The following UIMC1 variants were observed in gnomAD, a reference collection of about 807,000 sequenced individuals.
UIMC1 encodes BRCA1-A complex subunit RAP80.
Under a neutral mutation model 84.9 loss-of-function variants are expected in UIMC1, and 42 were observed. The ratio of observed to expected loss-of-function variants is 0.49; its 90% CI spans 0.39 to 0.64. The LOEUF (loss-of-function observed/expected upper bound fraction) is 0.64, where lower values mean the gene tolerates loss of function less well. Ranked by LOEUF, UIMC1 falls within the 30% of genes least tolerant of loss-of-function variation. The pLI is 0.00. For missense variants in UIMC1, 825 were observed against 847.6 expected (o/e 0.97, Z 0.33); for synonymous variants, 281 against 293.0 (o/e 0.96, Z 0.42).
At chr5:177,021,004 G>A (rs771934270) in intron 1 of UIMC1, among the ~76,000 whole-genome samples, 7 of 152,204 alleles carry the variant, frequency 4.6e-5, no homozygotes, top group Non-Finnish European at 1.0e-4. Context: ...AAAAGGCTAC[G>A]CAAGGTGGCA....
At chr5:176,994,937 C>T (rs1002345021) in intron 1 of UIMC1, among the ~76,000 whole-genome samples, 19 of 124,198 alleles carry the variant, frequency 1.5e-4, no homozygotes, top group African/African-American at 6.1e-4. Flanking sequence ...GTTTTCTTTT[C>T]TTATCCTCAC....
Position 176,905,285 on chromosome 5 carries a change from G to T in UIMC1, c.2157C>A (p.Phe719Leu). 1 of 1,613,736 alleles carries T rather than the reference G, an allele frequency of 6.2e-7. No homozygotes were observed. ...TCAACTTTTGGACCCTAGAAATTCA[G>T]AATTTTCTCCTTCTTCCTCTGCCAG... ...TKAGRGRRRK[F>L] Residue 719 changes from phenylalanine to leucine, a missense_variant, in exon 15 of 15, where the codon TTC (phenylalanine) becomes TTA (leucine). By Grantham distance (22) the Phe-to-Leu change is conservative. Transcript: ENST00000511320.
chr5:176,978,657 C>T (rs1382220152), intron 2 of UIMC1, among the ~76,000 whole-genome samples: 3 of 152,110 alleles, frequency 2.0e-5, no homozygotes, highest in South Asian at 2.1e-4. Context: ...ATTATATTAA[C>T]ATAACACATC....
At chr5:176,959,715 C>CAAAAAAAA (rs1169116401) in intron 6 of UIMC1, among the ~76,000 whole-genome samples, 1 of 53,930 alleles carries the variant, frequency 1.9e-5, no homozygotes, top group South Asian at 5.0e-4. Context: ...GACTCCGTCT[C>CAAAAAAAA]AAAAAAAAAA....
At position 176,943,392 on chromosome 5, in the gene UIMC1, G is replaced by A. The variant is rs750742320; in HGVS notation, c.1540C>T (p.Pro514Ser). The change falls in exon 10 of 15, where the codon CCC becomes TCC. Residue 514 changes from proline (P) to serine (S), a missense_variant. Physicochemically the swap from Pro to Ser is moderately conservative, Grantham distance 74 (BLOSUM62 -1). Coordinates refer to ENST00000511320, the MANE Select transcript of UIMC1 (RefSeq NM_001199298.2). Reference protein sequence around the residue: ...SCPLCDQCFPPTKIERHAMYC... With the variant: ...SCPLCDQCFPSTKIERHAMYC... ...ATGGCATGTCGTTCAATCTTTGTGG[G>A]TGGAAAGCATTGGTCACATAGCGGG... The A allele has an allele frequency of 1.2e-6, 2 of 1,614,150 alleles. No individual in the cohort carries two copies. Among genetic ancestry groups the A allele is most frequent in the East Asian group, 4.5e-5 (2 of 44,876 alleles).
intron 6 of UIMC1, among the ~76,000 whole-genome samples, chr5:176,964,759 C>T (rs1476527846): frequency 6.6e-6 from 1 of 152,106 alleles, no homozygotes; most frequent in East Asian, 1.9e-4. Flanking sequence ...TATATGCTTA[C>T]TAGGTTGTCT....
Position 177,003,226 on chromosome 5 carries a change from C to T in UIMC1, c.-9+3424G>A, listed in dbSNP as rs1774794271. ...ACACACACACACATATAAACACACACCCTTGATATTTTATATCCCAGTTTA... is the reference window on the plus strand; with the variant it reads ...ACACACACACACATATAAACACACATCCTTGATATTTTATATCCCAGTTTA... On this transcript the variant is annotated intron_variant, in intron 1 of 14. Transcript: ENST00000511320. 2.6e-5 allele frequency among the ~76,000 whole-genome samples: 4 copies of T among 152,198 alleles called. No homozygotes were observed. The South Asian group carries it at 8.3e-4, about 31-fold the overall frequency.
At chr5:176,942,940 T>C (rs1453869137) in intron 10 of UIMC1, among the ~76,000 whole-genome samples, 1 of 152,010 alleles carries the variant, frequency 6.6e-6, no homozygotes, top group Non-Finnish European at 1.5e-5. Context: ...CGCAAGCCTG[T>C]AGTCCCAGCT....
chr5:177,011,217 A>G (rs1486933561), upstream of UIMC1, among the ~76,000 whole-genome samples: 1 of 151,712 alleles, frequency 6.6e-6, no homozygotes, highest in Non-Finnish European at 1.5e-5. Flanking sequence ...AGAAAAGAAA[A>G]AAAGAACCAC....
intron 2 of UIMC1, among the ~76,000 whole-genome samples, chr5:176,978,195 C>T (rs1304265312): frequency 6.6e-6 from 1 of 151,786 alleles, no homozygotes; most frequent in Non-Finnish European, 1.5e-5. Flanking sequence ...CACAGTGAAA[C>T]CCCGTCTCTA....
At chr5:176,914,661 A>G (rs1760738273) in intron 10 of UIMC1, among the ~76,000 whole-genome samples, 1 of 152,222 alleles carries the variant, frequency 6.6e-6, no homozygotes, top group African/African-American at 2.4e-5. Flanking sequence ...GGATGACAGG[A>G]ATACTTGAAG....
chr5:176,919,285 T>C (rs748673213), intron 10 of UIMC1: 6 of 228,940 alleles, frequency 2.6e-5, no homozygotes, highest in Non-Finnish European at 5.4e-5. Flanking sequence ...TTATATATTC[T>C]GGATACTAAA....
chr5:177,000,234 A>G (rs527667326), intron 1 of UIMC1, among the ~76,000 whole-genome samples: 1 of 152,044 alleles, frequency 6.6e-6, no homozygotes, highest in East Asian at 1.9e-4. Flanking sequence ...GATTACCGGC[A>G]TAAGCCACCG....
chr5:176,976,760 A>G (rs1770140034), intron 2 of UIMC1, among the ~76,000 whole-genome samples: 2 of 152,260 alleles, frequency 1.3e-5, no homozygotes, highest in Non-Finnish European at 2.9e-5. Flanking sequence ...GTGGTTGTCA[A>G]GGGCTAGGGG....
chr5:176,988,499 T>C (rs183973777), intron 1 of UIMC1, among the ~76,000 whole-genome samples: 1 of 152,202 alleles, frequency 6.6e-6, no homozygotes, highest in Admixed American at 6.6e-5. Flanking sequence ...AGATTAGTGA[T>C]TACCAGAAGA....
Position 176,958,108 on chromosome 5 carries a change from A to G in UIMC1, c.1247T>C (p.Val416Ala). ...VEETSEEGNS[V>A]PASQSVAALT... The stretch of plus-strand genomic sequence containing the variant: ...AATCTCTCACCTTTGTGAAGCAGGT[A>G]CAGAGTTTCCCTCTTCAGAAGTTTC... Residue 416 changes from valine to alanine, a missense_variant, in exon 7 of 15, where the codon GTA becomes GCA. Transcript: ENST00000511320. The G allele has an allele frequency of 1.2e-6, 2 of 1,613,780 alleles. No homozygotes were observed. The highest frequency in any genetic ancestry group is 1.7e-6 in the Non-Finnish European group (2 of 1,179,702).
chr5:177,008,594 A>C (rs1258457670), upstream of UIMC1, among the ~76,000 whole-genome samples: 1 of 152,154 alleles, frequency 6.6e-6, no homozygotes, highest in African/African-American at 2.4e-5. Context: ...ACTTCAGGGA[A>C]GACTATTGAT....
At chr5:176,998,459 T>C in intron 1 of UIMC1, among the ~76,000 whole-genome samples, 1 of 24,830 alleles carries the variant, frequency 4.0e-5, no homozygotes, top group East Asian at 1.7e-3. Flanking sequence ...AGAGCAAGAC[T>C]CTGTCTCAAA....
intron 1 of UIMC1, among the ~76,000 whole-genome samples, chr5:176,986,566 A>G (rs1772053860): frequency 6.9e-6 from 1 of 144,564 alleles, no homozygotes; most frequent in East Asian, 2.0e-4. Context: ...AAGGCTGGGC[A>G]CACTGGCTCA....
Sources: gnomAD v4.1 joint callset for allele counts (sites outside exome capture counted in the v4.1 genomes callset) on GRCh38, gnomAD v4.1.1 for gene constraint, MANE v1.5 for transcripts, NCBI Gene and HGNC (gene_info 2026-07-23, HGNC 2026-07-21) for gene names.